ANKDD1A: variants seen among roughly 807,000 people sequenced by gnomAD.
ANKDD1A encodes ankyrin repeat and death domain containing 1A.
In ANKDD1A, 59 loss-of-function variants were observed where a neutral mutation model predicts 63.5. That is an observed-to-expected ratio of 0.93 (90% CI 0.75 to 1.15). ANKDD1A has a LOEUF of 1.15. Among genes scored for constraint, ANKDD1A ranks in the 50% most tolerant of loss-of-function variants. The pLI is 0.00. For synonymous variants in ANKDD1A, 266 were observed against 263.9 expected (o/e 1.01, Z -0.08); for missense variants, 632 against 656.4 (o/e 0.96, Z 0.41).
At chr15:64,954,163 CTTCT>C (rs1219515842) in intron 14 of ANKDD1A, among the ~76,000 whole-genome samples, 5 of 131,540 alleles carry the variant, frequency 3.8e-5, no homozygotes, top group Non-Finnish European at 8.4e-5. Context: ...ATTATTCTTT[CTTCT>C]TTCTTTTCTT....
At chr15:64,934,364 G>A (rs757323878) in intron 9 of ANKDD1A, 130 bp downstream of exon 9, 120 of 713,606 alleles carry the variant, frequency 1.7e-4, no homozygotes, top group Non-Finnish European at 2.5e-4. Context: ...TAGGGGAGCC[G>A]GCAGCACTTA....
intron 13 of ANKDD1A, among the ~76,000 whole-genome samples, chr15:64,948,038 G>A (rs550691526): frequency 2.9e-5 from 1 of 34,114 alleles, no homozygotes; most frequent in African/African-American, 5.1e-5. Flanking sequence ...GACGTCCAGA[G>A]GAATCAACTA....
intron 14 of ANKDD1A, among the ~76,000 whole-genome samples, chr15:64,954,953 TCTC>T (rs2085403655): frequency 1.3e-5 from 2 of 149,866 alleles, no homozygotes; most frequent in Admixed American, 6.7e-5. Flanking sequence ...TCTTCTTCTC[TCTC>T]CTTCTTCTTC....
chr15:64,913,137 A>C (rs1421308285), intron 1 of ANKDD1A, among the ~76,000 whole-genome samples: 1 of 152,192 alleles, frequency 6.6e-6, no homozygotes, highest in African/African-American at 2.4e-5. Flanking sequence ...GCTGTTTGCC[A>C]ATACAAACCA....
At chr15:64,918,744 A>G (rs2084988108) in intron 3 of ANKDD1A, among the ~76,000 whole-genome samples, 1 of 152,152 alleles carries the variant, frequency 6.6e-6, no homozygotes, top group African/African-American at 2.4e-5. Flanking sequence ...ACCTGAGGTC[A>G]GGAGTTCGAG....
intron 12 of ANKDD1A, among the ~76,000 whole-genome samples, chr15:64,946,030 A>G (rs1208845750): frequency 6.6e-6 from 1 of 152,128 alleles, no homozygotes; most frequent in Non-Finnish European, 1.5e-5. Context: ...TTTTTCTTAA[A>G]CTTTAAAATT....
At chr15:64,945,398 C>T (rs1049354404) in intron 12 of ANKDD1A, among the ~76,000 whole-genome samples, 1 of 151,816 alleles carries the variant, frequency 6.6e-6, no homozygotes, top group South Asian at 2.1e-4. Context: ...TGAAACCATA[C>T]TTTGAGTACC....
chr15:64,915,467 C>T (rs1330995248), intron 1 of ANKDD1A, among the ~76,000 whole-genome samples: 1 of 152,144 alleles, frequency 6.6e-6, no homozygotes, highest in Non-Finnish European at 1.5e-5. Flanking sequence ...TCATTTCCTT[C>T]CCCAAGAGCA....
At chr15:64,952,849 C>CCTCCT (rs1566917081) in intron 14 of ANKDD1A, among the ~76,000 whole-genome samples, 5 of 18,716 alleles carry the variant, frequency 2.7e-4, no homozygotes, top group African/African-American at 3.9e-4. Flanking sequence ...TTCTCCTTGT[C>CCTCCT]TCTTCTCCTT....
intron 14 of ANKDD1A, chr15:64,950,978 C>A: frequency 3.9e-6 from 5 of 1,272,912 alleles, no homozygotes; most frequent in Non-Finnish European, 5.1e-6. Context: ...AAAGCAAACG[C>A]AGCCCCGAGT....
intron 9 of ANKDD1A, among the ~76,000 whole-genome samples, chr15:64,939,379 T>C (rs1431784440): frequency 6.6e-6 from 1 of 152,046 alleles, no homozygotes; most frequent in East Asian, 1.9e-4. Flanking sequence ...ATTCCGGCAC[T>C]TTGAGAAGTC....
chr15:64,913,208 G>A (rs1486131405), intron 1 of ANKDD1A, among the ~76,000 whole-genome samples: 1 of 152,166 alleles, frequency 6.6e-6, no homozygotes, highest in East Asian at 1.9e-4. Context: ...GACCTATACA[G>A]ATCTCTTTCT....
In ANKDD1A at chr15:64,931,583, C is replaced by G. The variant is rs367836182; in HGVS notation, c.766C>G (p.Gln256Glu). Residue 256 changes from glutamine to glutamate, a missense_variant and splice_region_variant, in exon 8 of 15, where the codon CAG becomes GAG. Coordinates refer to ENST00000319580, the MANE Select transcript of ANKDD1A (RefSeq NM_182703.6). ...TGGGAGCACCGTGAATGCCCTCACCCAGGTAGCCAGGCCCTCCCAAGACTG... is the reference window on the plus strand; with the variant it reads ...TGGGAGCACCGTGAATGCCCTCACCGAGGTAGCCAGGCCCTCCCAAGACTG... Reference protein sequence around the residue: ...RAGSTVNALTQKNLSCLHYAA... With the variant: ...RAGSTVNALTEKNLSCLHYAA... 1 of 1,613,724 alleles carries G rather than the reference C, an allele frequency of 6.2e-7. No homozygotes were observed. Among genetic ancestry groups the G allele is most frequent in the Admixed American group, 1.7e-5 (1 of 60,010 alleles).
chr15:64,954,354 TCTTCTTC>T (rs2085382368), intron 14 of ANKDD1A, among the ~76,000 whole-genome samples: 14 of 24,848 alleles, frequency 5.6e-4, no homozygotes, highest in South Asian at 1.7e-3. Flanking sequence ...CTCCTTCTTC[TCTTCTTC>T]TCCTTCTTCT....
intron 14 of ANKDD1A, among the ~76,000 whole-genome samples, chr15:64,951,922 T>C (rs1280661301): frequency 3.3e-5 from 4 of 122,640 alleles, no homozygotes; most frequent in Non-Finnish European, 7.4e-5. Flanking sequence ...TCTTGTTCTT[T>C]CCTCTTCTTC....
rs200317955 is a variant in ANKDD1A, at chr15:64,926,949, G to A, written c.520G>A (p.Ala174Thr). The A allele has an allele frequency of 6.2e-7, 1 of 1,614,186 alleles. No individual in the cohort carries two copies. The highest frequency in any genetic ancestry group is 2.2e-5 in the East Asian group (1 of 44,882). The change falls in exon 6 of 15, where the codon GCT becomes ACT. Residue 174 changes from alanine (A) to threonine (T), a missense_variant. Ala to Thr is a moderately conservative substitution (Grantham distance 58). Coordinates refer to ENST00000319580, the MANE Select transcript of ANKDD1A (RefSeq NM_182703.6). Reference protein sequence around the residue: ...HRAAEHGQLDALDFLVGSGCD... With the variant: ...HRAAEHGQLDTLDFLVGSGCD... ...GGCAGCTGAGCACGGGCAGCTGGAT[G>A]CTCTGGACTTCCTCGTGGGCTCTGG...
At chr15:64,934,774 C>G (rs1227519914) in intron 9 of ANKDD1A, among the ~76,000 whole-genome samples, 1 of 151,600 alleles carries the variant, frequency 6.6e-6, no homozygotes, top group Non-Finnish European at 1.5e-5. Flanking sequence ...GCCTCAGGCT[C>G]CCAAAGTGCT....
At chr15:64,953,040 CTT>C (rs2085329355) in intron 14 of ANKDD1A, among the ~76,000 whole-genome samples, 1 of 22,024 alleles carries the variant, frequency 4.5e-5, no homozygotes, top group South Asian at 8.7e-4. Flanking sequence ...TTCTTCCTTT[CTT>C]CTTTCCTCTC....
chr15:64,951,262 TTTG>T, intron 14 of ANKDD1A: 2 of 978,958 alleles, frequency 2.0e-6, no homozygotes, highest in Non-Finnish European at 1.2e-6. Flanking sequence ...CTTGGCACAC[TTTG>T]TTTATTTCTT....
Sources: gnomAD v4.1 joint callset for allele counts (sites outside exome capture counted in the v4.1 genomes callset) on GRCh38, gnomAD v4.1.1 for gene constraint, MANE v1.5 for transcripts, NCBI Gene and HGNC (gene_info 2026-07-23, HGNC 2026-07-21) for gene names.